ARAP1: variants seen among roughly 807,000 people sequenced by gnomAD.
The protein encoded by ARAP1 is ArfGAP with RhoGAP domain, ankyrin repeat and PH domain 1.
ARAP1 carries 76 observed loss-of-function variants against 172.2 expected under a neutral mutation model. That is an observed-to-expected ratio of 0.44 (90% CI 0.37 to 0.53). ARAP1 has a LOEUF of 0.53. ARAP1 is among the 20% of genes least tolerant of loss of function. The pLI is 0.00. For synonymous variants in ARAP1, 804 were observed against 803.3 expected (o/e 1.00, Z -0.01); for missense variants, 1,686 against 1,977.5 (o/e 0.85, Z 2.80).
chr11:72,693,279 G>A lies in ARAP1; in HGVS notation c.3954+46C>T, dbSNP rs763060944. ...AAGGGGAATCTCTGAGCACATTCAG[G>A]TGTACAGGTGCCCACCCTGGGGCAG... On this transcript the variant is annotated intron_variant, in intron 29 of 34. Transcript: ENST00000393609. The surrounding 1 kb of genome is among the most constrained non-coding windows in gnomAD (Gnocchi z 4.6). 1.9e-6 allele frequency: 3 copies of A among 1,601,694 alleles called. No homozygotes were observed. The East Asian group carries it at 6.7e-5, about 36-fold the overall frequency.
chr11:72,749,625 T>G (rs778806200), intron 1 of ARAP1, among the ~76,000 whole-genome samples: 2 of 152,060 alleles, frequency 1.3e-5, no homozygotes, highest in African/African-American at 2.4e-5. Flanking sequence ...GGCTCACACC[T>G]GTAACCCCAG....
rs1856385419 is a variant in ARAP1, at chr11:72,699,655, C to T, written c.2303-103G>A. The T allele has an allele frequency of 2.1e-6, 3 of 1,439,334 alleles. No homozygotes were observed. The Admixed American group carries it at 6.7e-5, about 32-fold the overall frequency. The allele number at this position is 1,439,334 out of a possible 1,614,324, so 89.2% of individuals were successfully genotyped here. On this transcript the variant is annotated intron_variant, in intron 16 of 34. Coordinates refer to ENST00000393609, the MANE Select transcript of ARAP1 (RefSeq NM_001040118.3). The surrounding 1 kb of genome is among the most constrained non-coding windows in gnomAD (Gnocchi z 4.2). ...CCTGCTCCCATCTGACCCATGAGCTCTTCATTCTCTCAAGTTTTCCCTAAA... is the reference window on the plus strand; with the variant it reads ...CCTGCTCCCATCTGACCCATGAGCTTTTCATTCTCTCAAGTTTTCCCTAAA...
intron 1 of ARAP1, among the ~76,000 whole-genome samples, chr11:72,744,433 TTATAGTTCTAC>T (rs998968831): frequency 3.3e-5 from 5 of 152,202 alleles, no homozygotes; most frequent in South Asian, 2.1e-4. Flanking sequence ...TCCCACCCAG[TTATAGTTCTAC>T]TATAGTTCTA....
At chr11:72,751,594 GCCCTGAAGCAC>G (rs2135600901) in intron 1 of ARAP1, among the ~76,000 whole-genome samples, 1 of 152,140 alleles carries the variant, frequency 6.6e-6, no homozygotes, top group African/African-American at 2.4e-5. Context: ...CAGGTATCTG[GCCCTGAAGCAC>G]CCCCCTCCCA....
chr11:72,710,331 T>TA lies in ARAP1; in HGVS notation c.1416+53_1416+54insT. The TA allele has an allele frequency of 6.2e-7, 1 of 1,602,476 alleles. No individual in the cohort carries two copies. The highest frequency in any genetic ancestry group is 8.5e-7 in the Non-Finnish European group (1 of 1,171,232). ...GCAGGGCTAAGGCCCTAGGTCAGCC[T>TA]GGGGCAGGGTAGGTGGACATGGGCA... is the stretch of plus-strand genomic sequence containing the variant. On this transcript the variant is annotated intron_variant, in intron 10 of 34. Transcript: ENST00000393609. The surrounding 1 kb of genome is among the most constrained non-coding windows in gnomAD (Gnocchi z 4.3).
intron 33 of ARAP1, among the ~76,000 whole-genome samples, 160 bp from the exon 34 acceptor site, chr11:72,686,351 T>C (rs189899336): frequency 2.1e-4 from 32 of 152,286 alleles, no homozygotes; most frequent in African/African-American, 7.5e-4. Flanking sequence ...GGGGAGAACA[T>C]GACTGCATCT....
In ARAP1 at chr11:72,709,880, G is replaced by T. The variant is rs139972837; in HGVS notation, c.1513C>A (p.Arg505Ser). ...AAGATGGAGGGTCACCTGAAGATGCGGTAGGGCGTGGTGAGGTCGAAGCTG... is the reference window on the plus strand; with the variant it reads ...AAGATGGAGGGTCACCTGAAGATGCTGTAGGGCGTGGTGAGGTCGAAGCTG... ...RRSFDLTTPY[R>S]IFSFSADSEL... Residue 505 changes from arginine to serine, a missense_variant, in exon 11 of 35, where the codon CGC becomes AGC. Physicochemically the swap from Arg to Ser is moderately radical, Grantham distance 110 (BLOSUM62 -1). Coordinates refer to ENST00000393609, the MANE Select transcript of ARAP1 (RefSeq NM_001040118.3). The T allele has an allele frequency of 1.9e-6, 3 of 1,614,026 alleles. No individual in the cohort carries two copies. The African/African-American group carries it at 4.0e-5, about 22-fold the overall frequency.
At chr11:72,713,545 C>T (rs2135546678) in intron 4 of ARAP1, among the ~76,000 whole-genome samples, 1 of 152,216 alleles carries the variant, frequency 6.6e-6, no homozygotes. Context: ...TGGCCAACCC[C>T]AGGAAAAGCA....
At chr11:72,747,961 G>T (rs1426474273) in intron 1 of ARAP1, among the ~76,000 whole-genome samples, 1 of 152,192 alleles carries the variant, frequency 6.6e-6, no homozygotes, top group Admixed American at 6.5e-5. Flanking sequence ...TCCTCTGTCT[G>T]CAATGCCTCC....
At chr11:72,701,303 A>T (rs1856473793) in intron 16 of ARAP1, among the ~76,000 whole-genome samples, 1 of 152,024 alleles carries the variant, frequency 6.6e-6, no homozygotes, top group African/African-American at 2.4e-5. Flanking sequence ...GAGTGAATGG[A>T]AGGCTGAGAT....
chr11:72,712,658 C>A, intron 5 of ARAP1, 90 bp from the exon 6 acceptor site: 1 of 1,592,308 alleles, frequency 6.3e-7, no homozygotes, highest in Non-Finnish European at 8.5e-7. Flanking sequence ...GTCCACACAG[C>A]CCCGACCCAC....
At position 72,699,576 on chromosome 11, in the gene ARAP1, G is replaced by A. The variant is rs1401744746; in HGVS notation, c.2303-24C>T. ...CTCTGGGGAGAATTTGGGCAGGGGA[G>A]CCATCAGGGAGCCCCCCACCACCTG... On this transcript the variant is annotated intron_variant, in intron 16 of 34. Transcript: ENST00000393609. The surrounding 1 kb of genome is among the most constrained non-coding windows in gnomAD (Gnocchi z 4.2). The A allele has an allele frequency of 6.2e-7, 1 of 1,603,954 alleles. No homozygotes were observed. Among genetic ancestry groups the A allele is most frequent in the Non-Finnish European group, 8.5e-7 (1 of 1,175,538 alleles).
intron 5 of ARAP1, 118 bp downstream of exon 5, chr11:72,713,058 G>A: frequency 9.2e-7 from 1 of 1,089,700 alleles, no homozygotes; most frequent in Middle Eastern, 2.1e-4. Flanking sequence ...GGTGGGGGAA[G>A]GGGAAGCCTC....
At chr11:72,749,800 T>A (rs1256040978) in intron 1 of ARAP1, among the ~76,000 whole-genome samples, 1 of 151,038 alleles carries the variant, frequency 6.6e-6, no homozygotes, top group Non-Finnish European at 1.5e-5. Context: ...GAGAATGGCA[T>A]GAACCCAGAA....
At chr11:72,702,671 G>C (rs1856541700) in intron 15 of ARAP1, among the ~76,000 whole-genome samples, 1 of 152,194 alleles carries the variant, frequency 6.6e-6, no homozygotes, top group South Asian at 2.1e-4. Context: ...CCATCCTGAG[G>C]GGCCCACACT....
chr11:72,725,306 C>CTCTCTCTCTCTCTCTTTT lies in ARAP1; in HGVS notation c.509+1313_509+1314insAAAAGAGAGAGAGAGAGA. On this transcript the variant is annotated intron_variant, in intron 3 of 34. Coordinates refer to ENST00000393609, the MANE Select transcript of ARAP1 (RefSeq NM_001040118.3). This position sits in a 1 kb window ranked among gnomAD's most constrained non-coding sequence, Gnocchi z 4.3. ...CTTCTCTCTTCTAACCTCTCTCTCT[C>CTCTCTCTCTCTCTCTTTT]TCTCTCTCTCTCTTTTTCTCTCTCT... is the stretch of plus-strand genomic sequence containing the variant. 6.6e-6 allele frequency among the ~76,000 whole-genome samples: 1 copy of CTCTCTCTCTCTCTCTTTT among 152,074 alleles called. No homozygotes were observed. Among genetic ancestry groups the CTCTCTCTCTCTCTCTTTT allele is most frequent in the Non-Finnish European group, 1.5e-5 (1 of 67,964 alleles).
intron 15 of ARAP1, among the ~76,000 whole-genome samples, 172 bp downstream of exon 15, chr11:72,702,733 T>C (rs1475917102): frequency 1.3e-5 from 2 of 152,096 alleles, no homozygotes; most frequent in Non-Finnish European, 2.9e-5. Context: ...CAGAGGAACA[T>C]GCATACGTAG....
intron 30 of ARAP1, among the ~76,000 whole-genome samples, chr11:72,690,761 T>C (rs1397710699): frequency 6.6e-6 from 1 of 152,216 alleles, no homozygotes; most frequent in African/African-American, 2.4e-5. Context: ...CGTTTACTCT[T>C]GATGCTTAAG....
At chr11:72,720,045 G>A (rs1235077612) in intron 3 of ARAP1, among the ~76,000 whole-genome samples, 1 of 152,202 alleles carries the variant, frequency 6.6e-6, no homozygotes, top group East Asian at 1.9e-4. Flanking sequence ...TCACTGAACT[G>A]CCTCAGAGGA....
Sources: gnomAD v4.1 joint callset for allele counts (sites outside exome capture counted in the v4.1 genomes callset) on GRCh38, gnomAD v4.1.1 for gene constraint, Gnocchi (gnomAD v3.1) non-coding constraint, MANE v1.5 for transcripts, NCBI Gene and HGNC (gene_info 2026-07-23, HGNC 2026-07-21) for gene names.